NRK: variants seen among roughly 807,000 people sequenced by gnomAD.
The protein encoded by NRK is nik-related protein kinase.
Under a neutral mutation model 125.2 loss-of-function variants are expected in NRK, and 67 were observed. The ratio of observed to expected loss-of-function variants is 0.54; its 90% CI spans 0.44 to 0.66. NRK has a LOEUF of 0.66. Ranked by LOEUF, NRK falls within the 30% of genes least tolerant of loss-of-function variation. The pLI is 0.00. For missense variants in NRK, 1,224 were observed against 1,192.9 expected (o/e 1.03, Z -0.38); for synonymous variants, 458 against 429.0 (o/e 1.07, Z -0.84).
chrX:105,881,802 A>G, intron 4 of NRK, 23 bp downstream of exon 4: 1 of 869,552 alleles, frequency 1.2e-6, no homozygotes, highest in Non-Finnish European at 1.7e-6. Context: ...AGTTCTCATT[A>G]ATACCCAAGT....
intron 9 of NRK, among the ~76,000 whole-genome samples, chrX:105,904,241 C>T (rs894461391): frequency 1.8e-5 from 2 of 111,762 alleles, no homozygotes; most frequent in African/African-American, 6.5e-5. Flanking sequence ...TTTGCACTGC[C>T]AACTTTCTTT....
At position 105,950,527 on chromosome X, in the gene NRK, AGTGTGTGTGTGTGTGT is replaced by A. The variant is rs56383254; in HGVS notation, c.4513+829_4513+844del. ...GGAGAAAATAAAGGAAAAAGGCAGC[AGTGTGTGTGTGTGTGT>A]GTGTGTGTGTGTGTGTGTGTGTGTG... On this transcript the variant is annotated intron_variant, in intron 27 of 28. Transcript: ENST00000243300. Among the ~76,000 whole-genome samples, 192 of 77,975 alleles carry A rather than the reference AGTGTGTGTGTGTGTGT, an allele frequency of 2.5e-3. 1 individual carries two copies. The highest frequency in any genetic ancestry group is 8.5e-3 in the Middle Eastern group (1 of 117). The allele number at this position is 77,975 out of a possible 115,157, so 67.7% of individuals were successfully genotyped here.
chrX:105,923,215 A>T lies in NRK; in HGVS notation c.2708A>T (p.Asp903Val), dbSNP rs370847640. 2.2e-5 allele frequency: 27 copies of T among 1,207,422 alleles called. No individual in the cohort carries two copies. The highest frequency in any genetic ancestry group is 3.0e-5 in the Non-Finnish European group (27 of 893,647). ...YNALSEIFRN[D>V]WLTPAPVIQP... is the part of the protein sequence containing the mutation. ...GCACTCTCTGAAATCTTCCGGAATGATTGGTTAACTCCGGCACCTGTCATT... is the reference window on the plus strand; with the variant it reads ...GCACTCTCTGAAATCTTCCGGAATGTTTGGTTAACTCCGGCACCTGTCATT... Residue 903 changes from aspartate (D) to valine (V), a missense_variant, in exon 18 of 29, where the codon GAT (aspartate) becomes GTT (valine). Transcript: ENST00000243300.
chrX:105,895,363 CAGAAAGAA>C (rs111844831), intron 6 of NRK, 62 bp from the exon 7 acceptor site: 421 of 776,030 alleles, frequency 5.4e-4, no homozygotes, highest in African/African-American at 1.0e-3. Context: ...AGAACTGTAC[CAGAAAGAA>C]AGAAAGAAAG....
rs2040645242 is a variant in NRK at position 105,935,171 on chromosome X, A to G, written c.3501A>G (p.Leu1167=). ...TATCTTCCCCTTACATCTTTGCAGT[A>G]TACGCTGGATTCGTAGAAGTACCTG... The part of the protein sequence containing the change: ...SADANFASAI[L]YAGFVEVPEE... Residue 1167 remains leucine, a splice_region_variant and synonymous_variant, in exon 21 of 29, where the codon TTA becomes TTG. Transcript: ENST00000243300. The G allele has an allele frequency of 3.4e-6, 4 of 1,184,451 alleles. No homozygotes were observed. The highest frequency in any genetic ancestry group is 4.6e-6 in the Non-Finnish European group (4 of 871,249).
At chrX:105,855,736 A>G (rs1305245003) in intron 2 of NRK, among the ~76,000 whole-genome samples, 2 of 112,078 alleles carry the variant, frequency 1.8e-5, no homozygotes, top group Admixed American at 9.5e-5. Flanking sequence ...GATGCCATAT[A>G]TTATGTGAAA....
In NRK at chrX:105,951,424, G is replaced by A. The variant is rs747233855; in HGVS notation, c.4514-1610G>A. On this transcript the variant is annotated intron_variant, in intron 27 of 28. Transcript: ENST00000243300. ...GCTAGAATTTGAAAGACAGCTACAC[G>A]TAAAATAAATTACAGTACTATAAGA... is the stretch of plus-strand genomic sequence containing the variant. Among the ~76,000 whole-genome samples, 8 of 111,204 alleles carry A rather than the reference G, an allele frequency of 7.2e-5. No homozygotes were observed. In the East Asian group the frequency reaches 8.5e-4, roughly 12 times the overall value.
chrX:105,908,661 C>T (rs1233489019), intron 12 of NRK, 66 bp from the exon 13 acceptor site: 3 of 1,119,869 alleles, frequency 2.7e-6, no homozygotes, highest in Non-Finnish European at 1.2e-6. Flanking sequence ...AAAAACAATG[C>T]CCCTGAATGG....
chrX:105,848,687 C>T (rs1390984480), intron 2 of NRK, among the ~76,000 whole-genome samples: 10 of 111,705 alleles, frequency 9.0e-5, no homozygotes, highest in Non-Finnish European at 1.3e-4. Context: ...CCTCTATGTT[C>T]AGTTCACATC....
At chrX:105,867,937 A>T (rs1017208237) in intron 2 of NRK, among the ~76,000 whole-genome samples, 4 of 111,719 alleles carry the variant, frequency 3.6e-5, no homozygotes, top group African/African-American at 1.3e-4. Context: ...ATATCATTCT[A>T]ATACTTTCAA....
At chrX:105,871,896 A>G (rs1195016904) in intron 2 of NRK, among the ~76,000 whole-genome samples, 2 of 111,945 alleles carry the variant, frequency 1.8e-5, no homozygotes, top group African/African-American at 6.5e-5. Context: ...CTTTGTTACT[A>G]TTCTTGAAGG....
In NRK at chrX:105,956,596, CTG is replaced by C. The variant is rs1255615115; in HGVS notation, c.*1000_*1001del. On this transcript the variant is annotated 3_prime_UTR_variant, in exon 29 of 29. Transcript: ENST00000243300. ...AACTATGAAAAAACTTTGCTAATAT[CTG>C]TGTTTTTCAGATTTCATTTTTTGTA... is the stretch of plus-strand genomic sequence containing the variant. 1 of 111,798 alleles carries C rather than the reference CTG, an allele frequency of 8.9e-6. No individual in the cohort carries two copies. Among genetic ancestry groups the C allele is most frequent in the Non-Finnish European group, 1.9e-5 (1 of 53,138 alleles). 9.2% of individuals were successfully genotyped at this position (111,798 alleles called of 1,213,427 possible).
chrX:105,948,578 C>T (rs749798599), intron 26 of NRK: 12 of 449,963 alleles, frequency 2.7e-5, no homozygotes, highest in African/African-American at 2.2e-4. Flanking sequence ...ATTAAGACAA[C>T]CTTCTTTCCT....
chrX:105,872,661 G>T (rs2039762883), intron 2 of NRK, among the ~76,000 whole-genome samples: 1 of 111,529 alleles, frequency 9.0e-6, no homozygotes, highest in South Asian at 3.8e-4. Flanking sequence ...CTTGACAATG[G>T]TGATGAAGAC....
At chrX:105,878,510 A>C (rs1014667178) in intron 2 of NRK, among the ~76,000 whole-genome samples, 13 of 111,455 alleles carry the variant, frequency 1.2e-4, no homozygotes, top group African/African-American at 4.2e-4. Flanking sequence ...GATAAAAGAG[A>C]AAATTGTTTC....
intron 16 of NRK, among the ~76,000 whole-genome samples, chrX:105,919,568 T>G (rs1182960648): frequency 8.9e-6 from 1 of 111,862 alleles, no homozygotes; most frequent in African/African-American, 3.2e-5. Flanking sequence ...CCACTGTTAA[T>G]GGACAGTTCA....
chrX:105,945,959 G>A lies in NRK; in HGVS notation c.4147G>A (p.Asp1383Asn), dbSNP rs1402976490. 1.7e-6 allele frequency: 2 copies of A among 1,210,469 alleles called. No individual in the cohort carries two copies. Among genetic ancestry groups the A allele is most frequent in the Non-Finnish European group, 2.2e-6 (2 of 894,548 alleles). ...AATACTGGCAAAAATACAGGCAGCTGATCCAGTGAACCGGTTTAAGAGACC... is the reference window on the plus strand; with the variant it reads ...AATACTGGCAAAAATACAGGCAGCTAATCCAGTGAACCGGTTTAAGAGACC... ...IRILAKIQAA[D>N]PVNRFKRPDE... The change falls in exon 25 of 29, where the codon GAT (aspartate) becomes AAT (asparagine). Residue 1383 changes from aspartate (D) to asparagine (N), a missense_variant. Coordinates refer to ENST00000243300, the MANE Select transcript of NRK (RefSeq NM_198465.4).
intron 9 of NRK, among the ~76,000 whole-genome samples, chrX:105,904,345 C>T (rs1450233660): frequency 9.0e-6 from 1 of 111,206 alleles, no homozygotes; most frequent in African/African-American, 3.3e-5. Context: ...ATTTATATAG[C>T]ACATATTGGA....
intron 26 of NRK, chrX:105,948,751 C>A: frequency 2.1e-6 from 1 of 471,746 alleles, no homozygotes; most frequent in African/African-American, 2.5e-5. Flanking sequence ...CCTGAGTACG[C>A]TGGGTTTGGC....
Sources: allele counts gnomAD v4.1 joint callset (sites outside exome capture counted in the v4.1 genomes callset), GRCh38; gene constraint gnomAD v4.1.1; transcripts MANE v1.5; gene names NCBI Gene and HGNC (gene_info 2026-07-23, HGNC 2026-07-21).